NCK1: variants seen among roughly 807,000 people sequenced by gnomAD.
NCK1 encodes SH2/SH3 adapter protein NCK1.
NCK1 carries 19 observed loss-of-function variants against 36.6 expected under a neutral mutation model. The observed-to-expected ratio is 0.52, with a 90% CI of 0.36 to 0.76. The LOEUF (loss-of-function observed/expected upper bound fraction) is 0.76, where lower values mean the gene tolerates loss of function less well. Among genes scored for constraint, NCK1 ranks in the 30% least tolerant of loss-of-function variants. The probability of loss-of-function intolerance (pLI) is 0.00; values close to 1 mark genes in which losing one functional copy is unlikely to be tolerated. For missense variants in NCK1, 358 were observed against 445.6 expected, an observed-to-expected ratio of 0.80 and a Z score of 1.77; for synonymous variants, 165 against 156.0, an observed-to-expected ratio of 1.06 and a Z score of -0.43.
In NCK1 at chr3:136,865,439, TTTAC is replaced by T. The variant is rs749371503; in HGVS notation, c.-19+3089_-19+3092del. ...TTTTACATTTTCATTGCTTTGTACT[TTTAC>T]TTTGTCTTATTTTACTTTTTCACCA... is the stretch of plus-strand genomic sequence containing the variant. On this transcript the variant is annotated intron_variant, in intron 1 of 3. Coordinates refer to ENST00000481752, the MANE Select transcript of NCK1 (RefSeq NM_001291999.2). Among the ~76,000 whole-genome samples the T allele has an allele frequency of 1.2e-3, 188 of 152,320 alleles. 1 individual carries two copies. Among genetic ancestry groups the T allele is most frequent in the Non-Finnish European group, 1.4e-3 (98 of 68,012 alleles).
chr3:136,940,368 G>A (rs1940640169), intron 2 of NCK1, among the ~76,000 whole-genome samples: 1 of 152,070 alleles, frequency 6.6e-6, no homozygotes, highest in South Asian at 2.1e-4. Context: ...AGAAAGTGGG[G>A]TATTGATGTC....
intron 1 of NCK1, among the ~76,000 whole-genome samples, chr3:136,890,259 T>TCCGGCCGGCAGGG (rs1401794345): frequency 6.6e-6 from 1 of 151,948 alleles, no homozygotes; most frequent in East Asian, 1.9e-4. Context: ...CCCCCCACTG[T>TCCGGCCGGCAGGG]CCGGCCGGCA....
At chr3:136,867,154 T>TCTG (rs1938464135) in intron 1 of NCK1, among the ~76,000 whole-genome samples, 1 of 61,438 alleles carries the variant, frequency 1.6e-5, no homozygotes, top group African/African-American at 5.4e-5. Context: ...CCTTCCTTCC[T>TCTG]TCCTTCCTTC....
chr3:136,899,510 C>A, intron 1 of NCK1: 1 of 432,446 alleles, frequency 2.3e-6, no homozygotes, highest in South Asian at 2.5e-5. Flanking sequence ...CAGAATCATC[C>A]TCAGAATCTT....
At chr3:136,875,830 C>T (rs1352108018) in intron 1 of NCK1, among the ~76,000 whole-genome samples, 3 of 150,328 alleles carry the variant, frequency 2.0e-5, no homozygotes, top group Non-Finnish European at 4.4e-5. Context: ...AACTCTCCAC[C>T]CCAAATCAAC....
intron 2 of NCK1, among the ~76,000 whole-genome samples, chr3:136,929,924 C>T (rs1440221336): frequency 6.6e-6 from 1 of 152,104 alleles, no homozygotes; most frequent in Non-Finnish European, 1.5e-5. Context: ...CTACAGTATT[C>T]TGATGTTATT....
intron 1 of NCK1, among the ~76,000 whole-genome samples, chr3:136,903,622 A>G (rs566872654): frequency 6.6e-5 from 10 of 151,978 alleles, no homozygotes; most frequent in Non-Finnish European, 1.3e-4. Flanking sequence ...ATGGGGTTTC[A>G]CCGTGTAGGC....
At chr3:136,928,293 C>A in intron 2 of NCK1, 66 bp downstream of exon 2, 1 of 1,420,946 alleles carries the variant, frequency 7.0e-7, no homozygotes, top group Non-Finnish European at 9.5e-7. Context: ...GTTCTTTGTA[C>A]ATAATTCTGG....
At chr3:136,880,314 C>T (rs1014291333) in intron 1 of NCK1, among the ~76,000 whole-genome samples, 8 of 151,656 alleles carry the variant, frequency 5.3e-5, no homozygotes, top group Admixed American at 6.6e-5. Context: ...GACCTTATTT[C>T]GAAGTGGGGT....
At position 136,945,895 on chromosome 3, in the gene NCK1, C is replaced by T. The variant is rs13320485; in HGVS notation, c.539C>T (p.Ala180Val). 23,606 of 1,614,046 alleles carry T rather than the reference C, an allele frequency of 0.015. 233 individuals carry two copies. Among genetic ancestry groups the T allele is most frequent in the Admixed American group, 0.022 (1,299 of 60,002 alleles). The stretch of plus-strand genomic sequence containing the variant: ...GTGGGTTCTCTGTCAGAGAAATTAG[C>T]AGCAGTCGTCAATAACCTAAATACT... ...DHVGSLSEKL[A>V]AVVNNLNTGQ... is the part of the protein sequence containing the mutation. Residue 180 changes from alanine to valine, a missense_variant, in exon 3 of 4, where the codon GCA (alanine) becomes GTA (valine). Physicochemically the swap from Ala to Val is moderately conservative, Grantham distance 64. Transcript: ENST00000481752.
intron 2 of NCK1, among the ~76,000 whole-genome samples, chr3:136,936,649 C>T (rs1453406284): frequency 6.6e-6 from 1 of 152,058 alleles, no homozygotes; most frequent in Non-Finnish European, 1.5e-5. Context: ...CACCTATTTT[C>T]TTTCTTTCTT....
At chr3:136,867,125 T>C (rs1189946215) in intron 1 of NCK1, among the ~76,000 whole-genome samples, 542 of 25,176 alleles carry the variant, frequency 0.022, 62 homozygotes, top group Middle Eastern at 0.11. Context: ...TCTTTGTTTC[T>C]TTCTTTCCTT....
At chr3:136,895,813 C>A (rs1939378387) in intron 1 of NCK1, among the ~76,000 whole-genome samples, 1 of 152,182 alleles carries the variant, frequency 6.6e-6, no homozygotes, top group South Asian at 2.1e-4. Context: ...GATCCTCCCA[C>A]CTTGGCCTCC....
At chr3:136,941,237 T>C (rs779327251) in intron 2 of NCK1, among the ~76,000 whole-genome samples, 2 of 151,656 alleles carry the variant, frequency 1.3e-5, no homozygotes, top group African/African-American at 4.8e-5. Flanking sequence ...GCGACACTTA[T>C]ATGTCAGCCT....
intron 1 of NCK1, chr3:136,888,943 C>T (rs1939150284): frequency 6.6e-6 from 1 of 150,972 alleles, no homozygotes; most frequent in South Asian, 2.1e-4. Context: ...GATCACAGCT[C>T]ACTGCAACCT....
At chr3:136,877,613 G>A (rs758243920) in intron 1 of NCK1, among the ~76,000 whole-genome samples, 1 of 152,166 alleles carries the variant, frequency 6.6e-6, no homozygotes, top group Non-Finnish European at 1.5e-5. Context: ...CCAGCAAGGT[G>A]ACAGTAAAGG....
intron 1 of NCK1, among the ~76,000 whole-genome samples, chr3:136,874,225 G>A (rs1409102472): frequency 6.6e-6 from 1 of 152,074 alleles, no homozygotes; most frequent in African/African-American, 2.4e-5. Flanking sequence ...ACCCAGGCTG[G>A]AGTGCAGTGG....
chr3:136,870,530 C>T (rs1938582535), intron 1 of NCK1, among the ~76,000 whole-genome samples: 1 of 151,428 alleles, frequency 6.6e-6, no homozygotes, highest in Non-Finnish European at 1.5e-5. Flanking sequence ...TTTGGAAATG[C>T]TTGATCATTT....
In NCK1 at chr3:136,946,116, C is replaced by A. The variant is rs767790090; in HGVS notation, c.760C>A (p.Pro254Thr). 3.1e-6 allele frequency: 5 copies of A among 1,613,736 alleles called. No individual in the cohort carries two copies. In the South Asian group the frequency reaches 5.5e-5, roughly 18 times the overall value. The change falls in exon 3 of 4, where the codon CCA becomes ACA. Residue 254 changes from proline to threonine, a missense_variant. Physicochemically the swap from Pro to Thr is conservative, Grantham distance 38 (BLOSUM62 -1). This residue lies in a region of NCK1 where 207 missense variants were observed against 253.4 expected (regional missense o/e 0.82). Coordinates refer to ENST00000481752, the MANE Select transcript of NCK1 (RefSeq NM_001291999.2). ...CTATGTTACCGTTATGCAGAATAAT[C>A]CATTAACTTCAGGTTTGGAACCATC... is the stretch of plus-strand genomic sequence containing the variant. ...KNYVTVMQNN[P>T]LTSGLEPSPP...
Sources: gnomAD v4.1 joint callset for allele counts (sites outside exome capture counted in the v4.1 genomes callset) on GRCh38, gnomAD v4.1.1 for gene constraint, gnomAD v4.1.1 regional missense constraint, MANE v1.5 for transcripts, NCBI Gene and HGNC (gene_info 2026-07-23, HGNC 2026-07-21) for gene names.